The following RSPH10B variants were observed in gnomAD, a reference collection of about 807,000 sequenced individuals.
RSPH10B encodes radial spoke head 10 homolog B, also known as radial spoke head 10 homolog B (Chlamydomonas).
In RSPH10B, 7 loss-of-function variants were observed where a neutral mutation model predicts 52.5. The observed-to-expected ratio is 0.13, with a 90% confidence interval of 0.08 to 0.25. The LOEUF is 0.25. Ranked by LOEUF, RSPH10B falls within the 10% of genes least tolerant of loss-of-function variation. The probability of loss-of-function intolerance (pLI) is 1.00; values close to 1 mark genes in which losing one functional copy is unlikely to be tolerated. For missense variants in RSPH10B, 89 were observed against 542.5 expected, an observed-to-expected ratio of 0.16 and a Z score of 8.30; for synonymous variants, 28 against 193.2, an observed-to-expected ratio of 0.14 and a Z score of 7.09.
chr7:5,938,470 C>T (rs1206197349), intron 14 of RSPH10B, among the ~76,000 whole-genome samples: 57 of 88,628 alleles, frequency 6.4e-4, no homozygotes, highest in African/African-American at 2.0e-3. Context: ...CTCAGCTACT[C>T]GGGAGGCTGA....
At chr7:5,942,696 T>C (rs1443164776) in intron 13 of RSPH10B, among the ~76,000 whole-genome samples, 1 of 150,120 alleles carries the variant, frequency 6.7e-6, no homozygotes, top group East Asian at 2.0e-4. Flanking sequence ...CACCCGTCTC[T>C]ACTAAAAATA....
chr7:5,942,920 A>ATG (rs1170465720), intron 13 of RSPH10B, among the ~76,000 whole-genome samples: 13 of 119,122 alleles, frequency 1.1e-4, no homozygotes, highest in African/African-American at 4.0e-4. Context: ...ATTTATATAT[A>ATG]TATATATTTT....
chr7:5,942,047 C>T (rs1301609174), intron 13 of RSPH10B, among the ~76,000 whole-genome samples: 13 of 149,658 alleles, frequency 8.7e-5, no homozygotes, highest in Non-Finnish European at 1.9e-4. Flanking sequence ...CTCCGGCCAC[C>T]ATGCCTGGCT....
At chr7:5,927,012 C>A (rs1264884570) in intron 18 of RSPH10B, among the ~76,000 whole-genome samples, 1 of 143,190 alleles carries the variant, frequency 7.0e-6, no homozygotes, top group African/African-American at 2.6e-5. Flanking sequence ...ACCTCGGCCT[C>A]CCAAAGTTAC....
chr7:5,927,060 G>GTATATT (rs1554284531), intron 18 of RSPH10B, among the ~76,000 whole-genome samples: 83 of 72,676 alleles, frequency 1.1e-3, no homozygotes, highest in East Asian at 4.0e-3. Context: ...ATGTGTGTGT[G>GTATATT]TGTGTGTATA....
Position 5,927,051 on chromosome 7 carries a change from TG to T in RSPH10B, c.2433-504del, listed in dbSNP as rs1562553085. 1.3e-3 allele frequency among the ~76,000 whole-genome samples: 27 copies of T among 20,100 alleles called. 1 individual carries two copies. The highest frequency in any genetic ancestry group is 1.7e-3 in the Non-Finnish European group (18 of 10,310). 13.2% of individuals were successfully genotyped at this position (20,100 alleles called of 152,430 possible). A position where few individuals can be genotyped will look rare whatever the true frequency, so the allele number is the denominator to read the frequency against. ...TGTGTGTGTGTGTGTGTGTGTATTA[TG>T]TGTGTGTGTGTGTGTATATGTGTGT... On this transcript the variant is annotated intron_variant, in intron 18 of 18. Transcript: ENST00000337579.
intron 13 of RSPH10B, among the ~76,000 whole-genome samples, chr7:5,941,878 T>C (rs1780210552): frequency 6.8e-6 from 1 of 147,846 alleles, no homozygotes; most frequent in African/African-American, 2.5e-5. Context: ...TTAAATGATA[T>C]CCATCCTCCC....
intron 18 of RSPH10B, 142 bp from the exon 21 acceptor site, chr7:5,926,690 TGCC>T (rs1779432267): frequency 1.9e-6 from 1 of 520,490 alleles, no homozygotes; most frequent in African/African-American, 2.1e-5. Flanking sequence ...TGCTACACTC[TGCC>T]TGAAATAACT....
chr7:5,931,105 T>G (rs1779739851), intron 17 of RSPH10B, among the ~76,000 whole-genome samples: 1 of 130,964 alleles, frequency 7.6e-6, no homozygotes, highest in Non-Finnish European at 1.7e-5. Flanking sequence ...GGCTAATTTT[T>G]GTATTTTTAG....
intron 18 of RSPH10B, among the ~76,000 whole-genome samples, chr7:5,927,799 G>T (rs1779581107): frequency 6.8e-6 from 1 of 146,232 alleles, no homozygotes; most frequent in South Asian, 2.2e-4. Context: ...AGCCAGGCGT[G>T]GTGGTGCATG....
chr7:5,942,912 T>A (rs1990113), intron 13 of RSPH10B, among the ~76,000 whole-genome samples: 18,411 of 90,708 alleles, frequency 0.2, 780 homozygotes, highest in South Asian at 0.26. Context: ...ATATATTTAT[T>A]TATATATATA....
chr7:5,927,082 G>GTATATATATA (rs1562553449), intron 18 of RSPH10B, among the ~76,000 whole-genome samples: 13 of 123,802 alleles, frequency 1.1e-4, no homozygotes, highest in African/African-American at 2.3e-4. Flanking sequence ...GTGTGTGTGT[G>GTATATATATA]TGTGTGTGTG....
At chr7:5,927,052 GTGTGTGTGTGTGTGTATA>G (rs1258381425) in intron 18 of RSPH10B, among the ~76,000 whole-genome samples, 1,264 of 49,190 alleles carry the variant, frequency 0.026, 5 homozygotes, top group Non-Finnish European at 0.036. Flanking sequence ...TGTGTATTAT[GTGTGTGTGTGTGTGTATA>G]TGTGTGTGTG....
chr7:5,966,336 A>C (rs1312832863), intron 1 of RSPH10B, among the ~76,000 whole-genome samples: 1 of 108,034 alleles, frequency 9.3e-6, no homozygotes, highest in Non-Finnish European at 2.0e-5. Flanking sequence ...TATATGTTTC[A>C]CCACAATAAA....
At chr7:5,929,253 C>G (rs1779692368) in intron 17 of RSPH10B, among the ~76,000 whole-genome samples, 1 of 143,742 alleles carries the variant, frequency 7.0e-6, no homozygotes, top group African/African-American at 2.7e-5. Context: ...CATCATGGCT[C>G]ACTGCAGCCT....
chr7:5,931,689 C>A (rs1402727351), intron 17 of RSPH10B, among the ~76,000 whole-genome samples: 1 of 136,682 alleles, frequency 7.3e-6, no homozygotes, highest in East Asian at 2.0e-4. Flanking sequence ...AGAGCAAGAA[C>A]CCACCTCTTA....
intron 1 of RSPH10B, 114 bp from the exon 4 acceptor site, chr7:5,965,826 T>A (rs201665077): frequency 0.064 from 6,682 of 103,842 alleles, 184 homozygotes; most frequent in African/African-American, 0.098. Flanking sequence ...AAAAAAAAAA[T>A]ATATATATAT....
chr7:5,954,264 G>A (rs1454059644), intron 7 of RSPH10B, among the ~76,000 whole-genome samples: 1 of 66,556 alleles, frequency 1.5e-5, no homozygotes, highest in African/African-American at 6.0e-5. Context: ...TCAGCCTCCC[G>A]AGTGGCTGGG....
upstream of RSPH10B, among the ~76,000 whole-genome samples, chr7:5,968,700 G>A (rs1277514647): frequency 1.5e-5 from 1 of 68,208 alleles, no homozygotes; most frequent in African/African-American, 4.0e-5. Context: ...AGTAGAGACG[G>A]GGTTTCACCG....
Sources: allele counts gnomAD v4.1 joint callset (sites outside exome capture counted in the v4.1 genomes callset), GRCh38; gene constraint gnomAD v4.1.1; transcripts MANE v1.5; gene names NCBI Gene and HGNC (gene_info 2026-07-23, HGNC 2026-07-21).